The following ADAMTSL1 variants were observed in gnomAD, a reference collection of about 807,000 sequenced individuals.
The protein encoded by ADAMTSL1 is ADAMTS-like protein 1.
In ADAMTSL1, 126 loss-of-function variants were observed where a neutral mutation model predicts 201.8. That is an observed-to-expected ratio of 0.62 (90% CI 0.54 to 0.72). ADAMTSL1 has a LOEUF of 0.72. Ranked by LOEUF, ADAMTSL1 falls within the 30% of genes least tolerant of loss-of-function variation. The pLI is 0.00. For missense variants in ADAMTSL1, 2,679 were observed against 2,277.8 expected (o/e 1.18, Z -3.59); for synonymous variants, 1,121 against 903.4 (o/e 1.24, Z -4.32).
At chr9:18,562,135 G>T (rs1408267868) in intron 3 of ADAMTSL1, among the ~76,000 whole-genome samples, 2 of 152,152 alleles carry the variant, frequency 1.3e-5, no homozygotes, top group African/African-American at 2.4e-5. Flanking sequence ...TTCACAATTT[G>T]GTATGTTTTT....
At chr9:18,346,403 A>T (rs1307215341) in intron 2 of ADAMTSL1, among the ~76,000 whole-genome samples, 2 of 152,160 alleles carry the variant, frequency 1.3e-5, no homozygotes, top group Non-Finnish European at 2.9e-5. Context: ...GGAGCTGGGC[A>T]GTCTGGGTTT....
chr9:18,079,824 C>T (rs1236972274), intron 1 of ADAMTSL1, among the ~76,000 whole-genome samples: 2 of 151,944 alleles, frequency 1.3e-5, no homozygotes, highest in East Asian at 3.9e-4. Context: ...CTTACAGGCA[C>T]ATGAGGTTGG....
chr9:18,313,275 G>A (rs759216416), intron 2 of ADAMTSL1, among the ~76,000 whole-genome samples: 10 of 152,118 alleles, frequency 6.6e-5, no homozygotes, highest in Non-Finnish European at 1.3e-4. Flanking sequence ...CTGACTTACC[G>A]TAAAAAGAAT....
intron 2 of ADAMTSL1, among the ~76,000 whole-genome samples, chr9:18,384,474 C>T (rs932948950): frequency 1.3e-5 from 2 of 152,148 alleles, no homozygotes; most frequent in African/African-American, 4.8e-5. Flanking sequence ...TGATACTTAG[C>T]AAATGTTAGG....
chr9:17,962,646 C>T (rs760497380), intron 1 of ADAMTSL1, among the ~76,000 whole-genome samples: 1 of 152,224 alleles, frequency 6.6e-6, no homozygotes, highest in Non-Finnish European at 1.5e-5. Flanking sequence ...AGTTCTAGAT[C>T]TGTTTATAAG....
At chr9:18,660,382 TATAAA>T (rs1829003421) in intron 8 of ADAMTSL1, among the ~76,000 whole-genome samples, 1 of 152,218 alleles carries the variant, frequency 6.6e-6, no homozygotes, top group South Asian at 2.1e-4. Context: ...CCAAATACCT[TATAAA>T]ACTTTAGAAA....
At chr9:18,819,179 G>T (rs7852764) in intron 21 of ADAMTSL1, among the ~76,000 whole-genome samples, 9,131 of 152,252 alleles carry the variant, frequency 0.06, 323 homozygotes, top group East Asian at 0.18. Flanking sequence ...GGAGGGGCCA[G>T]GCATGGGGAC....
At chr9:17,945,152 A>G (rs373150275) in intron 1 of ADAMTSL1, among the ~76,000 whole-genome samples, 13 of 134,884 alleles carry the variant, frequency 9.6e-5, no homozygotes, top group South Asian at 2.6e-4. Context: ...AAAAGTGGGC[A>G]AAGGACATGA....
chr9:18,165,430 A>G (rs1827588675), intron 2 of ADAMTSL1, among the ~76,000 whole-genome samples: 1 of 151,944 alleles, frequency 6.6e-6, no homozygotes, highest in Non-Finnish European at 1.5e-5. Flanking sequence ...GTCACTTGGT[A>G]AGCATCAAAG....
rs995481800 is a variant in ADAMTSL1, at chr9:18,853,963, G to T, written c.4249+23986G>T. On this transcript the variant is annotated intron_variant, in intron 23 of 28. Transcript: ENST00000380548. ...TGATTATAATAGAATCAAAATACACGCAGGATTTGTCTCCAAGATATTGTC... is the reference window on the plus strand; with the variant it reads ...TGATTATAATAGAATCAAAATACACTCAGGATTTGTCTCCAAGATATTGTC... 3.0e-4 allele frequency among the ~76,000 whole-genome samples: 44 copies of T among 148,376 alleles called. 1 individual carries two copies. Among genetic ancestry groups the T allele is most frequent in the Non-Finnish European group, 5.2e-4 (35 of 67,202 alleles).
chr9:18,806,580 C>A (rs1219336837), intron 20 of ADAMTSL1, among the ~76,000 whole-genome samples: 1 of 152,230 alleles, frequency 6.6e-6, no homozygotes, highest in Admixed American at 6.5e-5. Context: ...CTTTCCATCT[C>A]CTCTGGCTTC....
chr9:18,111,433 A>G (rs1349118313), intron 1 of ADAMTSL1, among the ~76,000 whole-genome samples: 2 of 152,174 alleles, frequency 1.3e-5, no homozygotes, highest in Admixed American at 1.3e-4. Context: ...ACTCATCAGT[A>G]TGTTTAATAT....
chr9:18,518,144 A>T (rs1238482859), intron 2 of ADAMTSL1, among the ~76,000 whole-genome samples: 2 of 152,328 alleles, frequency 1.3e-5, no homozygotes, highest in East Asian at 3.9e-4. Flanking sequence ...TTGTCAAAAA[A>T]TATTTACTAT....
intron 2 of ADAMTSL1, among the ~76,000 whole-genome samples, chr9:18,403,883 T>A (rs1173983657): frequency 6.6e-6 from 1 of 152,186 alleles, no homozygotes; most frequent in African/African-American, 2.4e-5. Flanking sequence ...ATGTTAACTT[T>A]GAGGGCCTGT....
chr9:18,591,665 G>C (rs1342911135), intron 4 of ADAMTSL1, among the ~76,000 whole-genome samples: 2 of 152,018 alleles, frequency 1.3e-5, no homozygotes, highest in Non-Finnish European at 2.9e-5. Context: ...AGTTATTGTG[G>C]TTTTGGACCA....
chr9:18,164,361 A>G (rs1827541011), intron 2 of ADAMTSL1, among the ~76,000 whole-genome samples: 1 of 151,942 alleles, frequency 6.6e-6, no homozygotes, highest in Non-Finnish European at 1.5e-5. Flanking sequence ...TGGAAATTCC[A>G]CTGTCTTCCA....
chr9:18,577,091 T>C (rs1822783253), intron 4 of ADAMTSL1, among the ~76,000 whole-genome samples: 1 of 152,182 alleles, frequency 6.6e-6, no homozygotes. Context: ...TTCCAGAAAT[T>C]CAGATTTATT....
intron 1 of ADAMTSL1, among the ~76,000 whole-genome samples, chr9:18,157,060 C>G (rs1238696209): frequency 6.6e-6 from 1 of 151,954 alleles, no homozygotes; most frequent in Non-Finnish European, 1.5e-5. Flanking sequence ...AGGTGATGTC[C>G]TCCTCATCTA....
intron 4 of ADAMTSL1, among the ~76,000 whole-genome samples, chr9:18,580,905 T>C (rs1001800735): frequency 6.6e-6 from 1 of 152,134 alleles, no homozygotes; most frequent in Non-Finnish European, 1.5e-5. Flanking sequence ...TGGGGACCTC[T>C]TGCTAAAATA....
Sources: gnomAD v4.1 joint callset for allele counts (sites outside exome capture counted in the v4.1 genomes callset) on GRCh38, gnomAD v4.1.1 for gene constraint, MANE v1.5 for transcripts, NCBI Gene and HGNC (gene_info 2026-07-23, HGNC 2026-07-21) for gene names.